The following HEXB variants were observed in gnomAD, a reference collection of about 807,000 sequenced individuals.
HEXB encodes beta-hexosaminidase subunit beta.
Under a neutral mutation model 71.2 loss-of-function variants are expected in HEXB, and 51 were observed. The observed-to-expected ratio is 0.72, with a 90% CI of 0.57 to 0.90. The LOEUF (loss-of-function observed/expected upper bound fraction) is 0.90. HEXB is among the 40% of genes least tolerant of loss of function. The pLI is 0.00. For synonymous variants in HEXB, 266 were observed against 249.3 expected (o/e 1.07, Z -0.63); for missense variants, 617 against 677.0 (o/e 0.91, Z 0.98).
At chr5:74,653,425 T>C (rs1056205460) in intron 1 of HEXB, among the ~76,000 whole-genome samples, 2 of 152,208 alleles carry the variant, frequency 1.3e-5, no homozygotes, top group African/African-American at 4.8e-5. Flanking sequence ...AATCGCTTTC[T>C]GCTCCCACCT....
intron 1 of HEXB, among the ~76,000 whole-genome samples, chr5:74,648,619 A>G (rs6864196): frequency 0.17 from 25,925 of 152,190 alleles, 2,954 homozygotes; most frequent in African/African-American, 0.32. Context: ...CACCTCTTCT[A>G]GGACACTTGT....
chr5:74,690,294 G>A (rs1047633343), intron 2 of HEXB, among the ~76,000 whole-genome samples: 2 of 152,086 alleles, frequency 1.3e-5, no homozygotes, highest in Admixed American at 6.6e-5. Context: ...ATCAAAGAAG[G>A]GCAGTATAAG....
chr5:74,662,619 T>C (rs1260046920), intron 1 of HEXB, among the ~76,000 whole-genome samples: 1 of 152,202 alleles, frequency 6.6e-6, no homozygotes, highest in African/African-American at 2.4e-5. Context: ...CTTCCCAAAA[T>C]GACTGTACCA....
rs1187281451 is a variant in HEXB at position 74,702,799 on chromosome 5, C to T, written c.670-2420C>T. 4.6e-5 allele frequency among the ~76,000 whole-genome samples: 7 copies of T among 152,322 alleles called. No homozygotes were observed. The East Asian group carries it at 1.3e-3, about 29-fold the overall frequency. On this transcript the variant is annotated intron_variant, in intron 5 of 13. Coordinates refer to ENST00000261416, the MANE Select transcript of HEXB (RefSeq NM_000521.4). Reference sequence around the variant, plus strand: ...AGGTGGCTACCGAGTGGTGATGCTTCTAATTCCATCACTCCTTCTATCATT... The same window carrying T: ...AGGTGGCTACCGAGTGGTGATGCTTTTAATTCCATCACTCCTTCTATCATT...
intron 1 of HEXB, among the ~76,000 whole-genome samples, chr5:74,668,226 TTGTTTG>T (rs1193605480): frequency 2.0e-5 from 2 of 102,294 alleles, no homozygotes; most frequent in East Asian, 2.2e-4. Flanking sequence ...TGTTTTTGTT[TTGTTTG>T]TGTGTGTGTG....
intron 1 of HEXB, among the ~76,000 whole-genome samples, chr5:74,671,131 A>AC (rs1223970768): frequency 3.3e-5 from 5 of 151,938 alleles, no homozygotes; most frequent in African/African-American, 1.2e-4. Flanking sequence ...GATGGTAAAA[A>AC]AACAACTACA....
chr5:74,652,407 A>G lies in HEXB; in HGVS notation c.-377+11849A>G, dbSNP rs112239975. On this transcript the variant is annotated intron_variant, in intron 1 of 13. Transcript: ENST00000511181. This position sits in a 1 kb window ranked among gnomAD's most constrained non-coding sequence, Gnocchi z 5.4. ...GCAAGCAAGCCACTCCTGAATACAC[A>G]GTAGCCGTTTGCCTTCATGTATTTG... 9.3e-3 allele frequency among the ~76,000 whole-genome samples: 1,417 copies of G among 152,366 alleles called. 11 individuals are homozygous for G. Among genetic ancestry groups the G allele is most frequent in the Non-Finnish European group, 0.014 (954 of 68,040 alleles).
upstream of HEXB, among the ~76,000 whole-genome samples, chr5:74,682,862 CTT>C (rs1026185188): frequency 2.0e-5 from 3 of 152,136 alleles, no homozygotes; most frequent in Non-Finnish European, 4.4e-5. Flanking sequence ...GGCTGACACT[CTT>C]ATAACAAAAG....
At chr5:74,697,727 C>CAAA (rs34363294) in intron 5 of HEXB, among the ~76,000 whole-genome samples, 18 of 110,312 alleles carry the variant, frequency 1.6e-4, no homozygotes, top group African/African-American at 3.9e-4. Flanking sequence ...GACTCTGTCT[C>CAAA]AAAAAAAAAA....
chr5:74,668,603 A>G (rs1348578118), intron 1 of HEXB, among the ~76,000 whole-genome samples: 1 of 152,232 alleles, frequency 6.6e-6, no homozygotes, highest in Admixed American at 6.5e-5. Context: ...GGTTTGAGAT[A>G]CTGTGTGTAA....
At chr5:74,693,572 G>A (rs1749047580) in intron 2 of HEXB, 67 bp from the exon 3 acceptor site, 6 of 1,102,954 alleles carry the variant, frequency 5.4e-6, no homozygotes, top group Non-Finnish European at 8.4e-6. Context: ...GACATGTTTA[G>A]GAAACTTATT....
At chr5:74,707,638 G>T (rs1466714844) in intron 6 of HEXB, among the ~76,000 whole-genome samples, 4 of 152,214 alleles carry the variant, frequency 2.6e-5, no homozygotes, top group African/African-American at 9.7e-5. Context: ...ACTACGTGAA[G>T]AATGCAGAAG....
chr5:74,703,965 C>T (rs895677250), intron 5 of HEXB, among the ~76,000 whole-genome samples: 2 of 152,212 alleles, frequency 1.3e-5, no homozygotes, highest in East Asian at 1.9e-4. Context: ...AGATGTGAGC[C>T]ACCGTGTCTG....
In HEXB at chr5:74,649,364, A is replaced by T. The variant is rs1411385239; in HGVS notation, c.-377+8806A>T. On this transcript the variant is annotated intron_variant, in intron 1 of 13. Coordinates refer to the HEXB transcript ENST00000511181. ...GACAGGGACTCATTTGTCCAATGGG[A>T]TGGTCTTGGAGCTAGTAACAATGAC... Among the ~76,000 whole-genome samples the T allele has an allele frequency of 1.3e-5, 2 of 152,208 alleles. 1 individual carries two copies. Among genetic ancestry groups the T allele is most frequent in the Admixed American group, 1.3e-4 (2 of 15,282 alleles).
At chr5:74,692,920 T>G (rs1332362287) in intron 2 of HEXB, among the ~76,000 whole-genome samples, 1 of 152,196 alleles carries the variant, frequency 6.6e-6, no homozygotes, top group Non-Finnish European at 1.5e-5. Context: ...AGAGTGTGCT[T>G]CAAAGATTGA....
chr5:74,654,405 C>A (rs539402730), intron 1 of HEXB, among the ~76,000 whole-genome samples: 1 of 152,254 alleles, frequency 6.6e-6, no homozygotes, highest in South Asian at 2.1e-4. Context: ...CGCAGCATTG[C>A]AGAAGATGGC....
At chr5:74,651,906 C>G (rs1203324324) in intron 1 of HEXB, among the ~76,000 whole-genome samples, 1 of 152,224 alleles carries the variant, frequency 6.6e-6, no homozygotes, top group Non-Finnish European at 1.5e-5. Context: ...TCCAGGTTCA[C>G]AATAAGTAAT....
At chr5:74,691,913 A>G (rs946407737) in intron 2 of HEXB, among the ~76,000 whole-genome samples, 1 of 152,314 alleles carries the variant, frequency 6.6e-6, no homozygotes, top group East Asian at 1.9e-4. Context: ...CATTGTTAAC[A>G]CTAATAACTT....
chr5:74,693,436 G>GT, intron 2 of HEXB: 1 of 635,344 alleles, frequency 1.6e-6, no homozygotes, highest in Non-Finnish European at 2.9e-6. Context: ...GAGGAGGGAG[G>GT]GAAGAGTTCT....
Sources: allele counts gnomAD v4.1 joint callset (sites outside exome capture counted in the v4.1 genomes callset), GRCh38; gene constraint gnomAD v4.1.1; non-coding constraint Gnocchi (gnomAD v3.1); transcripts MANE v1.5; gene names NCBI Gene and HGNC (gene_info 2026-07-23, HGNC 2026-07-21).